Variants in MICU1 observed in about 807,000 individuals in gnomAD.
MICU1 encodes calcium uptake protein 1, mitochondrial.
Under a neutral mutation model 56.8 loss-of-function variants are expected in MICU1, and 45 were observed. The observed-to-expected ratio is 0.79, with a 90% CI of 0.62 to 1.02. MICU1 has a LOEUF of 1.02. Ranked by LOEUF, MICU1 falls within the 50% of genes least tolerant of loss-of-function variation. The pLI, the probability that MICU1 is intolerant of heterozygous loss-of-function variation, is 0.00. For missense variants in MICU1, 504 were observed against 587.1 expected (o/e 0.86, Z 1.46); for synonymous variants, 186 against 195.1 (o/e 0.95, Z 0.39).
At position 72,424,123 on chromosome 10, in the gene MICU1, T is replaced by C. The variant is rs531580788; in HGVS notation, c.934-752A>G. ...TAACAGTGACCATTTCCCCCCCACC[T>C]TTTTTTTTAAGACGGAGTTTCACTC... is the stretch of plus-strand genomic sequence containing the variant. On this transcript the variant is annotated intron_variant, in intron 8 of 11. Transcript: ENST00000361114. Among the ~76,000 whole-genome samples, 180 of 145,048 alleles carry C rather than the reference T, an allele frequency of 1.2e-3. 1 individual carries two copies. Among genetic ancestry groups the C allele is most frequent in the Middle Eastern group, 0.01 (3 of 292 alleles).
At chr10:72,618,182 A>T (rs1409583461) in intron 1 of MICU1, among the ~76,000 whole-genome samples, 1 of 152,028 alleles carries the variant, frequency 6.6e-6, no homozygotes, top group East Asian at 1.9e-4. Context: ...AAAAAAAAAA[A>T]ACTACCAGTT....
intron 4 of MICU1, among the ~76,000 whole-genome samples, chr10:72,541,450 T>C (rs1439156334): frequency 6.6e-6 from 1 of 152,204 alleles, no homozygotes; most frequent in Non-Finnish European, 1.5e-5. Context: ...TCTTTTGAGA[T>C]ATTTTTCAGA....
chr10:72,545,056 G>A (rs1324144999), intron 4 of MICU1, among the ~76,000 whole-genome samples: 2 of 152,176 alleles, frequency 1.3e-5, no homozygotes, highest in African/African-American at 2.4e-5. Flanking sequence ...CTACTGGCTA[G>A]AGTCCAGCCA....
intron 11 of MICU1, 30 bp from the exon 12 acceptor site, chr10:72,368,385 A>G: frequency 6.2e-7 from 1 of 1,604,748 alleles, no homozygotes; most frequent in African/African-American, 1.3e-5. Flanking sequence ...CAACAGGGAT[A>G]AGTGTTGGCC....
At chr10:72,375,957 T>A (rs1458444389) in intron 10 of MICU1, 85 bp from the exon 11 acceptor site, 2 of 1,240,390 alleles carry the variant, frequency 1.6e-6, no homozygotes, top group African/African-American at 1.5e-5. Context: ...GACTCAGTCA[T>A]AATACAAGTT....
intron 1 of MICU1, among the ~76,000 whole-genome samples, chr10:72,578,648 C>A (rs1449426811): frequency 6.6e-6 from 1 of 152,000 alleles, no homozygotes; most frequent in East Asian, 1.9e-4. Flanking sequence ...CGCTTTGTCA[C>A]CCAGGCTGGA....
At chr10:72,425,401 C>G (rs1425595493) in intron 8 of MICU1, among the ~76,000 whole-genome samples, 4 of 152,220 alleles carry the variant, frequency 2.6e-5, no homozygotes, top group African/African-American at 9.6e-5. Context: ...GGCCTTTATT[C>G]TCTGTTCTTC....
chr10:72,569,237 A>ATATATATATATTTTTTTTTT, intron 1 of MICU1, among the ~76,000 whole-genome samples: 6 of 34,392 alleles, frequency 1.7e-4, no homozygotes, highest in Admixed American at 6.0e-4. Flanking sequence ...ATATATATAT[A>ATATATATATATTTTTTTTTT]TTTTTTTTTT....
chr10:72,381,948 G>GTA (rs1158813196), intron 10 of MICU1, among the ~76,000 whole-genome samples: 8 of 135,326 alleles, frequency 5.9e-5, no homozygotes, highest in Admixed American at 4.2e-4. Flanking sequence ...AGGAGACTGT[G>GTA]TATATATATA....
intron 9 of MICU1, among the ~76,000 whole-genome samples, chr10:72,412,766 G>T (rs1261322368): frequency 1.3e-5 from 2 of 151,446 alleles, no homozygotes; most frequent in Non-Finnish European, 2.9e-5. Context: ...CAGGGGAATT[G>T]CTTGAACCTG....
intron 10 of MICU1, among the ~76,000 whole-genome samples, chr10:72,381,674 C>T (rs1328541820): frequency 6.6e-6 from 1 of 152,150 alleles, no homozygotes; most frequent in Non-Finnish European, 1.5e-5. Context: ...ATCCTAGCTC[C>T]TAACTTCCAG....
At chr10:72,580,469 A>ATTT (rs1564945464) in intron 1 of MICU1, among the ~76,000 whole-genome samples, 1 of 111,912 alleles carries the variant, frequency 8.9e-6, no homozygotes, top group Non-Finnish European at 2.1e-5. Flanking sequence ...TTATTTAATT[A>ATTT]ATTAATTTAT....
chr10:72,509,313 A>G (rs1589291246), intron 5 of MICU1: 1 of 1,143,118 alleles, frequency 8.7e-7, no homozygotes, highest in East Asian at 5.3e-5. Context: ...CATTGCAGGC[A>G]TAACTTCAAG....
At chr10:72,569,196 C>T in intron 1 of MICU1, among the ~76,000 whole-genome samples, 1 of 111,894 alleles carries the variant, frequency 8.9e-6, no homozygotes, top group Non-Finnish European at 1.8e-5. Flanking sequence ...TTTCTAAAAT[C>T]ATATATATGC....
At chr10:72,502,187 C>T (rs1356586130) in intron 6 of MICU1, among the ~76,000 whole-genome samples, 2 of 146,928 alleles carry the variant, frequency 1.4e-5, no homozygotes, top group Non-Finnish European at 3.0e-5. Context: ...GTCAGTCTCG[C>T]TCTGTCTTCC....
rs1424490291 is a variant in MICU1, at chr10:72,470,112, TG to T, written c.933+4987del. 3.3e-5 allele frequency among the ~76,000 whole-genome samples: 5 copies of T among 152,322 alleles called. No homozygotes were observed. In the East Asian group the frequency reaches 5.8e-4, roughly 18 times the overall value. ...TACAAACATCATCTCACTTAACCATTGCCCTGTTTTACAAATGAGGAGCCAG... is the reference window on the plus strand; with the variant it reads ...TACAAACATCATCTCACTTAACCATTCCCTGTTTTACAAATGAGGAGCCAG... On this transcript the variant is annotated intron_variant, in intron 8 of 11. Coordinates refer to ENST00000361114, the MANE Select transcript of MICU1 (RefSeq NM_001195518.2).
chr10:72,622,113 C>T (rs1283360356), intron 1 of MICU1, among the ~76,000 whole-genome samples: 1 of 151,768 alleles, frequency 6.6e-6, no homozygotes, highest in African/African-American at 2.4e-5. Context: ...TTAGTAGAAA[C>T]GGGGTTTCAC....
intron 4 of MICU1, among the ~76,000 whole-genome samples, chr10:72,534,094 T>C (rs1839562085): frequency 6.6e-6 from 1 of 151,858 alleles, no homozygotes; most frequent in Non-Finnish European, 1.5e-5. Context: ...CTTTTCATTA[T>C]ATCAAGGTGC....
At chr10:72,599,020 C>T (rs898190173) in intron 1 of MICU1, among the ~76,000 whole-genome samples, 3 of 152,158 alleles carry the variant, frequency 2.0e-5, no homozygotes, top group African/African-American at 4.8e-5. Flanking sequence ...CCCGTTCCAT[C>T]GTCCATGGTC....
Sources: gnomAD v4.1 joint callset for allele counts (sites outside exome capture counted in the v4.1 genomes callset) on GRCh38, gnomAD v4.1.1 for gene constraint, MANE v1.5 for transcripts, NCBI Gene and HGNC (gene_info 2026-07-23, HGNC 2026-07-21) for gene names.